IRAG1: variants seen among roughly 807,000 people sequenced by gnomAD.
IRAG1 encodes inositol 1,4,5-triphosphate receptor associated 1, also known as IP3R-associated cGMP kinase substrate.
A neutral mutation model predicts 106.2 loss-of-function variants in IRAG1; 62 were observed. That is an observed-to-expected ratio of 0.58 (90% CI 0.48 to 0.72). The LOEUF is 0.72. Among genes scored for constraint, IRAG1 ranks in the 30% least tolerant of loss-of-function variants. The pLI, the probability that IRAG1 is intolerant of heterozygous loss-of-function variation, is 0.00. For missense variants in IRAG1, 1,064 were observed against 1,140.7 expected, an observed-to-expected ratio of 0.93 and a Z score of 0.97; for synonymous variants, 462 against 443.9, an observed-to-expected ratio of 1.04 and a Z score of -0.51.
chr11:10,598,601 A>C (rs1178546215), intron 15 of IRAG1, among the ~76,000 whole-genome samples: 1 of 152,260 alleles, frequency 6.6e-6, no homozygotes, highest in Non-Finnish European at 1.5e-5. Context: ...GGCCTATCAA[A>C]GTCATGGATA....
chr11:10,669,353 A>T (rs1860035916), intron 1 of IRAG1, among the ~76,000 whole-genome samples: 2 of 152,156 alleles, frequency 1.3e-5, no homozygotes, highest in Non-Finnish European at 2.9e-5. Flanking sequence ...AACAACTTCC[A>T]GACTTGACTC....
At chr11:10,581,816 C>T in intron 19 of IRAG1, 51 bp downstream of exon 19, 1 of 1,590,822 alleles carries the variant, frequency 6.3e-7, no homozygotes, top group South Asian at 1.1e-5. Flanking sequence ...CATGGGAAGG[C>T]ATCTTCTGAG....
intron 12 of IRAG1, among the ~76,000 whole-genome samples, chr11:10,605,948 G>A (rs1439926615): frequency 6.6e-6 from 1 of 152,184 alleles, no homozygotes; most frequent in Non-Finnish European, 1.5e-5. Flanking sequence ...CTAGAAACTT[G>A]GTGTGGTTAT....
rs1484697164 is a variant in IRAG1, at chr11:10,626,478, C to G, written c.856G>C (p.Ala286Pro). 6.2e-7 allele frequency: 1 copy of G among 1,613,756 alleles called. No homozygotes were observed. Among genetic ancestry groups the G allele is most frequent in the South Asian group, 1.1e-5 (1 of 90,998 alleles). Reference sequence around the variant, plus strand: ...TCGAAGTTTTCCTTTTGTTCTATTGCAATCTCTTTGGACTTCTCAACTGGA... The same window carrying G: ...TCGAAGTTTTCCTTTTGTTCTATTGGAATCTCTTTGGACTTCTCAACTGGA... ...PPPVEKSKEI[A>P]IEQKENFDPL... The change falls in exon 9 of 21, where the codon GCA becomes CCA. Residue 286 changes from alanine (A) to proline (P), a missense_variant. By Grantham distance (27) the Ala-to-Pro change is conservative. Coordinates refer to ENST00000423302, the MANE Select transcript of IRAG1 (RefSeq NM_130385.4).
In IRAG1 at chr11:10,617,042, T is replaced by C. The variant is rs1156910924; in HGVS notation, c.1447+6736A>G. The C allele has an allele frequency of 5.1e-6, 5 of 985,080 alleles. No homozygotes were observed. In the East Asian group the frequency reaches 5.7e-4, roughly 112 times the overall value. The allele number at this position is 985,080 out of a possible 1,614,324, so 61.0% of individuals were successfully genotyped here. A position where few individuals can be genotyped will look rare whatever the true frequency, so the allele number is the denominator to read the frequency against. Reference sequence around the variant, plus strand: ...AGTTGGGGATAAACTTTTTTTTACCTCTTTCTTCTCAGGGAGGCCTCTTTC... The same window carrying C: ...AGTTGGGGATAAACTTTTTTTTACCCCTTTCTTCTCAGGGAGGCCTCTTTC... On this transcript the variant is annotated intron_variant, in intron 10 of 20. Coordinates refer to ENST00000423302, the MANE Select transcript of IRAG1 (RefSeq NM_130385.4).
At chr11:10,646,561 C>T (rs1321798977) in intron 2 of IRAG1, among the ~76,000 whole-genome samples, 2 of 152,134 alleles carry the variant, frequency 1.3e-5, no homozygotes, top group Non-Finnish European at 2.9e-5. Flanking sequence ...AAGCAGATCC[C>T]TTCCTATAAG....
intron 10 of IRAG1, among the ~76,000 whole-genome samples, chr11:10,611,948 T>A (rs1348421687): frequency 7.7e-6 from 1 of 129,634 alleles, no homozygotes; most frequent in Non-Finnish European, 1.8e-5. Flanking sequence ...TTCTTACTGA[T>A]GAGAAGAAGA....
At chr11:10,662,865 G>C (rs184092748) in intron 1 of IRAG1, among the ~76,000 whole-genome samples, 3 of 152,220 alleles carry the variant, frequency 2.0e-5, no homozygotes, top group East Asian at 3.8e-4. Context: ...CATGAAGCAG[G>C]CCTCTGGGAA....
intron 2 of IRAG1, among the ~76,000 whole-genome samples, chr11:10,636,299 T>G (rs1173969955): frequency 6.6e-6 from 1 of 152,214 alleles, no homozygotes; most frequent in Non-Finnish European, 1.5e-5. Context: ...TTCAGCCTCC[T>G]GAGTAGTTGG....
chr11:10,580,911 A>G (rs1300999727), intron 19 of IRAG1, among the ~76,000 whole-genome samples: 1 of 152,184 alleles, frequency 6.6e-6, no homozygotes, highest in Non-Finnish European at 1.5e-5. Context: ...TTTGTTCTCC[A>G]TGTGACCGTG....
intron 15 of IRAG1, among the ~76,000 whole-genome samples, chr11:10,600,429 G>C (rs1853862805): frequency 6.6e-6 from 1 of 152,164 alleles, no homozygotes; most frequent in Non-Finnish European, 1.5e-5. Context: ...CTTTGTCCCA[G>C]TAATGTAACT....
intron 18 of IRAG1, among the ~76,000 whole-genome samples, chr11:10,589,968 CTG>C (rs1191309788): frequency 6.6e-6 from 1 of 152,182 alleles, no homozygotes; most frequent in African/African-American, 2.4e-5. Context: ...CAGGCCCTCT[CTG>C]TCATGATTAA....
intron 15 of IRAG1, 81 bp from the exon 16 acceptor site, chr11:10,594,276 T>A (rs1853017794): frequency 7.3e-7 from 1 of 1,363,146 alleles, no homozygotes; most frequent in African/African-American, 1.4e-5. Context: ...TAGGCTATCG[T>A]ATCCATGGGC....
intron 10 of IRAG1, chr11:10,616,936 G>T: frequency 1.5e-6 from 1 of 670,270 alleles, no homozygotes; most frequent in Non-Finnish European, 1.8e-6. Flanking sequence ...TTCTGACCAT[G>T]TCAGGGACTT....
chr11:10,693,671 G>T lies in IRAG1; in HGVS notation c.-69C>A, dbSNP rs564348065. On this transcript the variant is annotated 5_prime_UTR_variant, in exon 1 of 21. Transcript: ENST00000423302. ...AGCCTCTGGCTGCAGAACCTCGGCC[G>T]CACGCCTCCTCTGAGAGGGGCTGGG... The T allele has an allele frequency of 2.7e-6, 4 of 1,495,630 alleles. No individual in the cohort carries two copies. Among genetic ancestry groups the T allele is most frequent in the Admixed American group, 2.0e-5 (1 of 50,664 alleles). 92.6% of individuals were successfully genotyped at this position (1,495,630 alleles called of 1,614,324 possible).
At chr11:10,591,964 G>A (rs753081506) in intron 17 of IRAG1, among the ~76,000 whole-genome samples, 1 of 152,190 alleles carries the variant, frequency 6.6e-6, no homozygotes, top group Non-Finnish European at 1.5e-5. Context: ...TCCTACAAAT[G>A]CAGGTCTCAG....
chr11:10,614,299 T>C (rs1855216846), intron 10 of IRAG1, among the ~76,000 whole-genome samples: 1 of 152,184 alleles, frequency 6.6e-6, no homozygotes, highest in African/African-American at 2.4e-5. Context: ...TGTCATACCA[T>C]ACCTGATTAA....
In IRAG1 at chr11:10,580,537, C is replaced by T; in HGVS notation, c.2413G>A (p.Glu805Lys). 1 of 1,613,986 alleles carries T rather than the reference C, an allele frequency of 6.2e-7. No homozygotes were observed. The highest frequency in any genetic ancestry group is 2.2e-5 in the East Asian group (1 of 44,880). Residue 805 changes from glutamate to lysine, a missense_variant, in exon 20 of 21, where the codon GAG becomes AAG. Glu to Lys is a moderately conservative substitution (Grantham distance 56). Coordinates refer to ENST00000423302, the MANE Select transcript of IRAG1 (RefSeq NM_130385.4). ...GGACTCTCACTCTTCTGTTCTTCCTCCTCCTCCTTCAGGTCTTGAAGTTCT... is the reference window on the plus strand; with the variant it reads ...GGACTCTCACTCTTCTGTTCTTCCTTCTCCTCCTTCAGGTCTTGAAGTTCT... The part of the protein sequence containing the change: ...TKELQDLKEE[E>K]EEQKSESPEE...
chr11:10,622,206 T>C (rs1855885420), intron 10 of IRAG1, among the ~76,000 whole-genome samples: 1 of 152,112 alleles, frequency 6.6e-6, no homozygotes, highest in Admixed American at 6.5e-5. Flanking sequence ...AAGTAGAAGA[T>C]TGCAGAGCTG....
Sources: allele counts gnomAD v4.1 joint callset (sites outside exome capture counted in the v4.1 genomes callset), GRCh38; gene constraint gnomAD v4.1.1; transcripts MANE v1.5; gene names NCBI Gene and HGNC (gene_info 2026-07-23, HGNC 2026-07-21).